RTF2: variants seen among roughly 807,000 people sequenced by gnomAD.
The protein encoded by RTF2 is UPF0549 protein C20orf43.
A neutral mutation model predicts 38.0 loss-of-function variants in RTF2; 18 were observed. The observed-to-expected ratio is 0.47, with a 90% CI of 0.33 to 0.70. RTF2 has a LOEUF of 0.70. Among genes scored for constraint, RTF2 ranks in the 30% least tolerant of loss-of-function variants. The probability of loss-of-function intolerance (pLI) is 0.02; values close to 1 mark genes in which losing one functional copy is unlikely to be tolerated. For missense variants in RTF2, 311 were observed against 379.6 expected (o/e 0.82, Z 1.50); for synonymous variants, 126 against 137.1 (o/e 0.92, Z 0.57).
Position 56,517,221 on chromosome 20 carries a change from C to T in RTF2, c.742+20C>T. On this transcript the variant is annotated intron_variant, in intron 8 of 8. Transcript: ENST00000357348. Reference sequence around the variant, plus strand: ...GCACAGGTGGGTCCTGTTGTAGCTACAGGGAGCTGTTTCGAGAAGGCTGGA... The same window carrying T: ...GCACAGGTGGGTCCTGTTGTAGCTATAGGGAGCTGTTTCGAGAAGGCTGGA... 1 of 1,603,896 alleles carries T rather than the reference C, an allele frequency of 6.2e-7. No individual in the cohort carries two copies. The highest frequency in any genetic ancestry group is 1.1e-5 in the South Asian group (1 of 90,596).
intron 1 of RTF2, chr20:56,472,281 T>G (rs577759403): frequency 2.8e-6 from 3 of 1,056,274 alleles, no homozygotes. Context: ...TTTTCTTTTC[T>G]CTTCCTATTT....
chr20:56,496,037 C>T (rs1983505896), intron 5 of RTF2, among the ~76,000 whole-genome samples: 2 of 152,158 alleles, frequency 1.3e-5, no homozygotes, highest in South Asian at 2.1e-4. Context: ...GATTTATACT[C>T]AGAATTTTCC....
chr20:56,517,185 G>C lies in RTF2; in HGVS notation c.726G>C (p.Leu242Phe), dbSNP rs756324196. ...ATTCTAGAGAGAAGAAAACCAACTT[G>C]GCTCCCAAAAGCACAGGTGGGTCCT... Reference protein sequence around the residue: ...SLDSREKKTNLAPKSTAMNES... With the variant: ...SLDSREKKTNFAPKSTAMNES... The change falls in exon 8 of 9, where the codon TTG becomes TTC. Residue 242 changes from leucine to phenylalanine, a missense_variant. By Grantham distance (22) the Leu-to-Phe change is conservative. Transcript: ENST00000357348. 137 of 1,614,014 alleles carry C rather than the reference G, an allele frequency of 8.5e-5. 4 individuals carry two copies. The South Asian group carries it at 1.5e-3, about 17-fold the overall frequency.
At chr20:56,503,354 CT>C (rs1482975423) in intron 5 of RTF2, among the ~76,000 whole-genome samples, 5 of 152,124 alleles carry the variant, frequency 3.3e-5, no homozygotes, top group African/African-American at 9.7e-5. Context: ...AAGAAGAAAA[CT>C]TTATTTTAGG....
chr20:56,516,656 A>C (rs1207089195), intron 6 of RTF2: 2 of 502,714 alleles, frequency 4.0e-6, no homozygotes, highest in Non-Finnish European at 7.0e-6. Context: ...GCCTCATTTA[A>C]ATTTTTGCAA....
chr20:56,493,423 C>T lies in RTF2; in HGVS notation c.477+9234C>T, dbSNP rs144772423. ...CTGTAATCTCAGCACTTTGGGAGGC[C>T]AAAGTGGTAGGATCACTTCAGCCCA... On this transcript the variant is annotated intron_variant, in intron 5 of 8. Transcript: ENST00000357348. Among the ~76,000 whole-genome samples the T allele has an allele frequency of 4.3e-4, 66 of 152,162 alleles. 1 individual carries two copies. Among genetic ancestry groups the T allele is most frequent in the African/African-American group, 1.4e-3 (60 of 41,506 alleles).
At chr20:56,474,637 A>G in intron 2 of RTF2, 41 bp from the exon 3 acceptor site, 1 of 1,293,336 alleles carries the variant, frequency 7.7e-7, no homozygotes, top group Non-Finnish European at 1.1e-6. Flanking sequence ...GTTATTTGAA[A>G]GTCGCTTGTT....
In RTF2 at chr20:56,518,547, T is replaced by C. The variant is rs1017071360; in HGVS notation, c.*282T>C. 2.2e-5 allele frequency: 7 copies of C among 317,730 alleles called. No individual in the cohort carries two copies. The highest frequency in any genetic ancestry group is 9.8e-5 in the Admixed American group (2 of 20,472). The allele number at this position is 317,730 out of a possible 1,614,324, so 19.7% of individuals were successfully genotyped here. ...CCAGGAAGCCCTGTGGGCTGCACTT[T>C]TTATGCTTGCAGTAACAAGAGACTC... is the stretch of plus-strand genomic sequence containing the variant. On this transcript the variant is annotated 3_prime_UTR_variant, in exon 9 of 9. Transcript: ENST00000357348.
chr20:56,470,128 G>A (rs1369830993), intron 1 of RTF2, among the ~76,000 whole-genome samples: 1 of 152,226 alleles, frequency 6.6e-6, no homozygotes, highest in East Asian at 1.9e-4. Flanking sequence ...ATATGGGAAT[G>A]AATGAATACC....
intron 3 of RTF2, 125 bp downstream of exon 3, chr20:56,474,896 A>G: frequency 1.7e-6 from 1 of 580,650 alleles, no homozygotes; most frequent in Non-Finnish European, 3.0e-6. Context: ...TGGCCATCTA[A>G]TACAGGTATG....
intron 3 of RTF2, among the ~76,000 whole-genome samples, chr20:56,476,349 C>T (rs1275708527): frequency 1.3e-5 from 2 of 151,986 alleles, no homozygotes; most frequent in African/African-American, 4.8e-5. Context: ...AGAAAGCATT[C>T]CCTTCTGGGT....
chr20:56,495,425 G>T (rs1366561572), intron 5 of RTF2: 1 of 730,012 alleles, frequency 1.4e-6, no homozygotes, highest in Admixed American at 2.5e-5. Flanking sequence ...AGAGGGGAAA[G>T]TCCAACCTTC....
At position 56,501,803 on chromosome 20, in the gene RTF2, G is replaced by A. The variant is rs943551230; in HGVS notation, c.478-11512G>A. Among the ~76,000 whole-genome samples the A allele has an allele frequency of 4.6e-5, 7 of 152,176 alleles. No homozygotes were observed. In the East Asian group the frequency reaches 1.2e-3, roughly 25 times the overall value. On this transcript the variant is annotated intron_variant, in intron 5 of 8. Coordinates refer to ENST00000357348, the MANE Select transcript of RTF2 (RefSeq NM_016407.5). ...GGATCATTTGAGCCAGGGAGGTTGA[G>A]GCTGTAGTGAGCCGTGATCATGCCC...
chr20:56,516,714 TA>T (rs1985061939), intron 6 of RTF2: 2 of 594,390 alleles, frequency 3.4e-6, no homozygotes, highest in Non-Finnish European at 6.0e-6. Flanking sequence ...TCTGTGCAGA[TA>T]CATTTTTGTG....
intron 4 of RTF2, among the ~76,000 whole-genome samples, chr20:56,483,177 G>A (rs1351397065): frequency 6.6e-6 from 1 of 151,908 alleles, no homozygotes; most frequent in Admixed American, 6.6e-5. Flanking sequence ...GCACACATTT[G>A]TACATTTGCA....
chr20:56,489,640 C>G (rs552327860), intron 5 of RTF2, among the ~76,000 whole-genome samples: 5 of 152,334 alleles, frequency 3.3e-5, no homozygotes, highest in African/African-American at 1.2e-4. Context: ...CACCCAGGAG[C>G]ACCCATGTCC....
chr20:56,486,538 G>C (rs1342726270), intron 5 of RTF2, among the ~76,000 whole-genome samples: 1 of 152,000 alleles, frequency 6.6e-6, no homozygotes, highest in Non-Finnish European at 1.5e-5. Context: ...AATCCTGGCT[G>C]CTCGGGAGGC....
chr20:56,485,698 C>A (rs1306779503), intron 5 of RTF2, among the ~76,000 whole-genome samples: 1 of 152,136 alleles, frequency 6.6e-6, no homozygotes, highest in African/African-American at 2.4e-5. Context: ...AAAAGAAATT[C>A]AAATAAAACA....
At chr20:56,498,141 T>C (rs1170639693) in intron 5 of RTF2, among the ~76,000 whole-genome samples, 4 of 152,254 alleles carry the variant, frequency 2.6e-5, no homozygotes, top group African/African-American at 9.6e-5. Flanking sequence ...ATACTTACTT[T>C]GGACATAGAC....
Sources: gnomAD v4.1 joint callset for allele counts (sites outside exome capture counted in the v4.1 genomes callset) on GRCh38, gnomAD v4.1.1 for gene constraint, MANE v1.5 for transcripts, NCBI Gene and HGNC (gene_info 2026-07-23, HGNC 2026-07-21) for gene names.